The following FHAD1 variants were observed in gnomAD, a reference collection of about 807,000 sequenced individuals.
FHAD1 encodes the protein forkhead associated phosphopeptide binding domain 1.
A neutral mutation model predicts 191.3 loss-of-function variants in FHAD1; 146 were observed. The observed-to-expected ratio is 0.76, with a 90% CI of 0.67 to 0.88. The LOEUF is 0.88. Among genes scored for constraint, FHAD1 ranks in the 40% least tolerant of loss-of-function variants. The probability of loss-of-function intolerance (pLI) is 0.00; values close to 1 mark genes in which losing one functional copy is unlikely to be tolerated. For synonymous variants in FHAD1, 616 were observed against 672.3 expected (o/e 0.92, Z 1.29); for missense variants, 1,635 against 1,785.8 (o/e 0.92, Z 1.52).
chr1:15,294,656 G>A (rs1666328568), intron 4 of FHAD1, among the ~76,000 whole-genome samples: 1 of 152,200 alleles, frequency 6.6e-6, no homozygotes, highest in Admixed American at 6.5e-5. Context: ...GCCTCCCAAA[G>A]TGCTGGGATT....
At chr1:15,270,511 T>G (rs1020333522) in intron 2 of FHAD1, among the ~76,000 whole-genome samples, 1 of 152,202 alleles carries the variant, frequency 6.6e-6, no homozygotes, top group Non-Finnish European at 1.5e-5. Context: ...AATAAAGCAC[T>G]AAGCAATCTC....
intron 28 of FHAD1, among the ~76,000 whole-genome samples, chr1:15,379,217 G>A (rs1296204075): frequency 6.6e-6 from 1 of 152,234 alleles, no homozygotes; most frequent in African/African-American, 2.4e-5. Context: ...GTTTCTCCGA[G>A]AGGGGGATGT....
intron 23 of FHAD1, chr1:15,364,183 G>A (rs1420793856): frequency 5.1e-6 from 1 of 197,834 alleles, no homozygotes; most frequent in East Asian, 1.4e-4. Context: ...ACACACGCAT[G>A]CATGCACACA....
rs913419663 is a variant in FHAD1 at position 15,360,232 on chromosome 1, T to C, written c.2737-246T>C. On this transcript the variant is annotated intron_variant, in intron 21 of 33. Coordinates refer to ENST00000688493, the MANE Select transcript of FHAD1 (RefSeq NM_001391957.1). The stretch of plus-strand genomic sequence containing the variant: ...CGCTGGAACAGAAAGTGTCTGGGGC[T>C]ACTCCTGATAGGTAGTCAGGGAGGG... Among the ~76,000 whole-genome samples, 4 of 152,230 alleles carry C rather than the reference T, an allele frequency of 2.6e-5. No homozygotes were observed. The East Asian group carries it at 5.8e-4, about 22-fold the overall frequency.
intron 4 of FHAD1, among the ~76,000 whole-genome samples, chr1:15,291,394 C>G (rs1477039533): frequency 6.6e-6 from 1 of 152,156 alleles, no homozygotes. Flanking sequence ...TTTTGCTATA[C>G]TCTTATTGTA....
intron 2 of FHAD1, among the ~76,000 whole-genome samples, chr1:15,254,536 A>G (rs1437856187): frequency 6.6e-6 from 1 of 152,236 alleles, no homozygotes; most frequent in Non-Finnish European, 1.5e-5. Context: ...GATACTAACA[A>G]GCTATTTGGA....
chr1:15,335,183 G>C (rs183828399), intron 14 of FHAD1: 1 of 152,416 alleles, frequency 6.6e-6, no homozygotes, highest in African/African-American at 2.4e-5. Flanking sequence ...CAGTGTGTTC[G>C]GAAGGGTGGA....
chr1:15,353,068 C>T, intron 20 of FHAD1, 84 bp downstream of exon 20: 2 of 986,336 alleles, frequency 2.0e-6, no homozygotes, highest in Admixed American at 2.3e-5. Context: ...GGTTCAAATC[C>T]TACCTCTCCC....
At chr1:15,258,941 A>G (rs1573717035) in intron 2 of FHAD1, among the ~76,000 whole-genome samples, 1 of 152,274 alleles carries the variant, frequency 6.6e-6, no homozygotes, top group African/African-American at 2.4e-5. Context: ...GAGAAGCAGA[A>G]CCGCCAGATC....
chr1:15,346,582 C>T (rs1688995139), intron 18 of FHAD1, among the ~76,000 whole-genome samples: 1 of 152,232 alleles, frequency 6.6e-6, no homozygotes, highest in Admixed American at 6.5e-5. Flanking sequence ...GGGGAGGACT[C>T]CTCCCTCCCG....
At position 15,272,349 on chromosome 1, in the gene FHAD1, A is replaced by T; in HGVS notation, c.120A>T (p.Ala40=). ...CTCCTGACATCGACAACCACCATGC[A>T]CTCATTGAATATAACGAGGCGGAGT... ...LQSPDIDNHH[A]LIEYNEAECS... is the part of the protein sequence containing the mutation. Residue 40 remains alanine (A), a synonymous_variant, in exon 3 of 34, where the codon GCA becomes GCT. Coordinates refer to ENST00000688493, the MANE Select transcript of FHAD1 (RefSeq NM_001391957.1). 1.3e-6 allele frequency: 2 copies of T among 1,551,626 alleles called. No individual in the cohort carries two copies. The highest frequency in any genetic ancestry group is 1.7e-6 in the Non-Finnish European group (2 of 1,146,970).
intron 8 of FHAD1, chr1:15,314,970 T>C (rs1451671844): frequency 6.6e-6 from 1 of 151,760 alleles, no homozygotes; most frequent in Non-Finnish European, 1.5e-5. Context: ...AAACAGCAGC[T>C]CCGGAGCTCT....
chr1:15,343,479 A>G (rs1687622942), intron 16 of FHAD1, among the ~76,000 whole-genome samples: 1 of 150,652 alleles, frequency 6.6e-6, no homozygotes, highest in East Asian at 2.0e-4. Flanking sequence ...CTCCTTCTCT[A>G]CCACACACAC....
chr1:15,353,704 C>CAAAAAAAAAAAAAAAAA (rs60518389), intron 20 of FHAD1, among the ~76,000 whole-genome samples: 8 of 60,986 alleles, frequency 1.3e-4, no homozygotes, highest in Non-Finnish European at 2.0e-4. Flanking sequence ...GACTCCATCT[C>CAAAAAAAAAAAAAAAAA]AAAAAAAAAA....
chr1:15,257,242 C>T (rs1648629371), intron 2 of FHAD1, among the ~76,000 whole-genome samples: 1 of 152,338 alleles, frequency 6.6e-6, no homozygotes, highest in South Asian at 2.1e-4. Flanking sequence ...AGGGTCAGTT[C>T]CCCACCAACA....
At chr1:15,301,541 T>C in intron 6 of FHAD1, 100 bp downstream of exon 6, 1 of 944,462 alleles carries the variant, frequency 1.1e-6, no homozygotes, top group South Asian at 1.6e-5. Context: ...AGGGAACGCG[T>C]GGTCAGTGGA....
intron 26 of FHAD1, among the ~76,000 whole-genome samples, chr1:15,370,816 C>A (rs979403365): frequency 1.3e-5 from 2 of 152,148 alleles, no homozygotes; most frequent in African/African-American, 4.8e-5. Context: ...TTCCCCAGGG[C>A]TTTTTGAGCC....
At chr1:15,296,132 A>G (rs1666879913) in intron 4 of FHAD1, among the ~76,000 whole-genome samples, 1 of 152,192 alleles carries the variant, frequency 6.6e-6, no homozygotes, top group Non-Finnish European at 1.5e-5. Flanking sequence ...CTGGAAAGAG[A>G]CACATCACGT....
chr1:15,349,695 G>A (rs539147347), intron 19 of FHAD1, among the ~76,000 whole-genome samples: 1 of 152,352 alleles, frequency 6.6e-6, no homozygotes, highest in Admixed American at 6.5e-5. Context: ...ACAGGTAGGT[G>A]CATAGTAAGC....
Sources: allele counts gnomAD v4.1 joint callset (sites outside exome capture counted in the v4.1 genomes callset), GRCh38; gene constraint gnomAD v4.1.1; transcripts MANE v1.5; gene names NCBI Gene and HGNC (gene_info 2026-07-23, HGNC 2026-07-21).